The following RAPGEFL1 variants were observed in gnomAD, a reference collection of about 807,000 sequenced individuals.
RAPGEFL1 encodes the protein Rap guanine nucleotide exchange factor like 1.
A neutral mutation model predicts 64.4 loss-of-function variants in RAPGEFL1; 31 were observed. The ratio of observed to expected loss-of-function variants is 0.48; its 90% CI spans 0.36 to 0.65. The LOEUF is 0.65. RAPGEFL1 is among the 30% of genes least tolerant of loss of function. RAPGEFL1 has a pLI of 0.00. For synonymous variants in RAPGEFL1, 331 were observed against 274.1 expected, an observed-to-expected ratio of 1.21 and a Z score of -2.05; for missense variants, 682 against 677.4, an observed-to-expected ratio of 1.01 and a Z score of -0.08.
upstream of RAPGEFL1, chr17:40,177,417 GGGGCGGGGACT>G (rs900464518): frequency 4.5e-4 from 307 of 689,414 alleles, 4 homozygotes; most frequent in African/African-American, 6.1e-4. Flanking sequence ...AGGAAGGGTA[GGGGCGGGGACT>G]GGGCGGGGAC....
intron 2 of RAPGEFL1, among the ~76,000 whole-genome samples, chr17:40,182,095 AAAG>A (rs1989912670): frequency 6.6e-6 from 1 of 151,966 alleles, no homozygotes; most frequent in Non-Finnish European, 1.5e-5. Context: ...AAAAAAAAGA[AAAG>A]AAAACATACC....
Position 40,178,224 on chromosome 17 carries a change from C to A in RAPGEFL1, c.363C>A (p.Arg121=). ...CTCTCGGGGGAGGGGGGCCCCTGCG[C>A]TCCCCTTCCTCCTACTCATCTGACG... ...PGPLGGGGPL[R]SPSSYSSDEL... is the part of the protein sequence containing the mutation. The change falls in exon 1 of 15, where the codon CGC becomes CGA. Residue 121 remains arginine (R), a synonymous_variant. Coordinates refer to ENST00000620260, the MANE Select transcript of RAPGEFL1 (RefSeq NM_016339.6). 1.7e-6 allele frequency: 1 copy of A among 600,056 alleles called. No individual in the cohort carries two copies. Among genetic ancestry groups the A allele is most frequent in the South Asian group, 1.8e-5 (1 of 57,048 alleles). The allele number at this position is 600,056 out of a possible 1,614,324, so 37.2% of individuals were successfully genotyped here. A position where few individuals can be genotyped will look rare whatever the true frequency, so the allele number is the denominator to read the frequency against.
chr17:40,182,368 G>A (rs1989920396), intron 2 of RAPGEFL1, among the ~76,000 whole-genome samples: 1 of 151,738 alleles, frequency 6.6e-6, no homozygotes, highest in Non-Finnish European at 1.5e-5. Context: ...CTGGAGTACA[G>A]TGGTGCGACC....
In RAPGEFL1 at chr17:40,177,715, C is replaced by T. The variant is rs1478060478; in HGVS notation, c.-147C>T. 4 of 409,150 alleles carry T rather than the reference C, an allele frequency of 9.8e-6. No individual in the cohort carries two copies. The highest frequency in any genetic ancestry group is 2.1e-5 in the African/African-American group (1 of 48,568). 25.3% of individuals were successfully genotyped at this position (409,150 alleles called of 1,614,324 possible). A position where few individuals can be genotyped will look rare whatever the true frequency, so the allele number is the denominator to read the frequency against. On this transcript the variant is annotated 5_prime_UTR_variant, in exon 1 of 15. Transcript: ENST00000620260. ...CCACTGGACTCTGGCCAGCGAGGCT[C>T]GGCCCCTCTGGCCCCCAGTCTGGCG...
rs1428293454 is a variant in RAPGEFL1, at chr17:40,192,656, G to A, written c.1707G>A (p.Lys569=). Residue 569 remains lysine, a synonymous_variant, in exon 12 of 15, where the codon AAG becomes AAA. Transcript: ENST00000620260. ...KSYREVISKM[K]PPVIPFVPLI... ...ACCGAGAAGTGATCTCCAAAATGAA[G>A]CCCCCTGTGATTCCCTTCGTGCCTC... 6.2e-7 allele frequency: 1 copy of A among 1,613,802 alleles called. No homozygotes were observed. The highest frequency in any genetic ancestry group is 1.1e-5 in the South Asian group (1 of 91,062).
chr17:40,180,091 C>G (rs913337188), intron 1 of RAPGEFL1, among the ~76,000 whole-genome samples: 1 of 152,226 alleles, frequency 6.6e-6, no homozygotes, highest in Admixed American at 6.5e-5. Context: ...CCCCATCTTA[C>G]TCTTCCTTTG....
In RAPGEFL1 at chr17:40,193,394, G is replaced by A. The variant is rs774594017; in HGVS notation, c.1841G>A (p.Arg614His). Residue 614 changes from arginine (R) to histidine (H), a missense_variant, in exon 14 of 15, where the codon CGC (arginine) becomes CAC (histidine). Arg to His is a conservative substitution (Grantham distance 29). Around this residue, in one of 2 missense-constraint regions of RAPGEFL1, gnomAD observed 411 missense variants for 519.4 expected, o/e 0.79. Coordinates refer to ENST00000620260, the MANE Select transcript of RAPGEFL1 (RefSeq NM_016339.6). ...HSVAEKVRTI[R>H]KYRSRPLCLD... is the part of the protein sequence containing the mutation. The stretch of plus-strand genomic sequence containing the variant: ...GTGGCCGAAAAAGTGAGGACAATCC[G>A]CAAATACCGGAGCCGGCCCCTTTGT... The A allele has an allele frequency of 5.0e-6, 8 of 1,614,088 alleles. No individual in the cohort carries two copies. Among genetic ancestry groups the A allele is most frequent in the Middle Eastern group, 1.6e-4 (1 of 6,084 alleles).
intron 1 of RAPGEFL1, among the ~76,000 whole-genome samples, chr17:40,180,777 A>G (rs562110095): frequency 1.6e-4 from 24 of 152,368 alleles, no homozygotes; most frequent in Admixed American, 4.6e-4. Flanking sequence ...GAGATAGTGA[A>G]CCAAGGGGAG....
Position 40,184,457 on chromosome 17 carries a change from C to T in RAPGEFL1, c.735+108C>T, listed in dbSNP as rs1241454821. The T allele has an allele frequency of 5.4e-5, 66 of 1,217,606 alleles. No homozygotes were observed. In the Middle Eastern group the frequency reaches 1.0e-3, roughly 18 times the overall value. The allele number at this position is 1,217,606 out of a possible 1,614,324, so 75.4% of individuals were successfully genotyped here. On this transcript the variant is annotated intron_variant, in intron 3 of 14. Coordinates refer to ENST00000620260, the MANE Select transcript of RAPGEFL1 (RefSeq NM_016339.6). ...CTGGGTACCTGGAAGGAAGAGATGC[C>T]AGGGGGCCTTAGCTTATATGGCTCT...
intron 1 of RAPGEFL1, among the ~76,000 whole-genome samples, chr17:40,180,340 T>C (rs934072174): frequency 2.6e-5 from 4 of 152,112 alleles, no homozygotes; most frequent in African/African-American, 9.7e-5. Flanking sequence ...ATGTCACCCA[T>C]GTTATCTGGC....
chr17:40,190,908 A>C (rs1234873658), intron 8 of RAPGEFL1, 146 bp downstream of exon 8: 1 of 1,317,730 alleles, frequency 7.6e-7, no homozygotes, highest in Non-Finnish European at 1.0e-6. Flanking sequence ...TTGTTCCCCC[A>C]TCTGAAAAAA....
rs565421652 is a variant in RAPGEFL1 at position 40,178,232 on chromosome 17, C to G, written c.371C>G (p.Ser124Cys). The G allele has an allele frequency of 2.9e-5, 18 of 627,450 alleles. No individual in the cohort carries two copies. The highest frequency in any genetic ancestry group is 4.9e-5 in the Non-Finnish European group (17 of 346,022). 38.9% of individuals were successfully genotyped at this position (627,450 alleles called of 1,614,324 possible). ...LGGGGPLRSP[S>C]SYSSDELSPG... ...GGAGGGGGGCCCCTGCGCTCCCCTT[C>G]CTCCTACTCATCTGACGAGCTGTCC... The change falls in exon 1 of 15, where the codon TCC becomes TGC. Residue 124 changes from serine (S) to cysteine (C), a missense_variant. By Grantham distance (112) the Ser-to-Cys change is moderately radical. Coordinates refer to ENST00000620260, the MANE Select transcript of RAPGEFL1 (RefSeq NM_016339.6).
At position 40,178,080 on chromosome 17, in the gene RAPGEFL1, C is replaced by A. The variant is rs1418085302; in HGVS notation, c.219C>A (p.Ala73=). 1 of 602,558 alleles carries A rather than the reference C, an allele frequency of 1.7e-6. No individual in the cohort carries two copies. Among genetic ancestry groups the A allele is most frequent in the East Asian group, 3.4e-5 (1 of 29,838 alleles). The allele number at this position is 602,558 out of a possible 1,614,324, so 37.3% of individuals were successfully genotyped here. A position where few individuals can be genotyped will look rare whatever the true frequency, so the allele number is the denominator to read the frequency against. ...LLPAFLREPP[A]EPGLEPPPEE... ...CCGCTTTCCTCCGGGAGCCCCCCGC[C>A]GAGCCGGGGCTGGAGCCGCCCCCTG... The change falls in exon 1 of 15, where the codon GCC becomes GCA. Residue 73 remains alanine, a synonymous_variant. Transcript: ENST00000620260.
chr17:40,191,702 G>T lies in RAPGEFL1; in HGVS notation c.1605+30G>T. The T allele has an allele frequency of 6.3e-7, 1 of 1,590,870 alleles. No individual in the cohort carries two copies. Among genetic ancestry groups the T allele is most frequent in the Non-Finnish European group, 8.6e-7 (1 of 1,167,504 alleles). ...TGAGACCCCTCCCGTTCCTACCTGG[G>T]AATCTGGGCATCCCGGGCTCCCCGA... On this transcript the variant is annotated intron_variant, in intron 10 of 14. Coordinates refer to ENST00000620260, the MANE Select transcript of RAPGEFL1 (RefSeq NM_016339.6). The surrounding 1 kb of genome is among the most constrained non-coding windows in gnomAD (Gnocchi z 5.1).
chr17:40,177,169 C>T (rs956990480), upstream of RAPGEFL1: 6 of 702,514 alleles, frequency 8.5e-6, no homozygotes, highest in Middle Eastern at 2.3e-4. Context: ...AATCTGTAGG[C>T]CTGACTTGGG....
chr17:40,189,336 G>A lies in RAPGEFL1; in HGVS notation c.1075G>A (p.Glu359Lys). ...ATATTCAGAGGAGCCCGCGGGGCGT[G>A]AGGATTCCCTCATCCTGGTAGCTGT... is the stretch of plus-strand genomic sequence containing the variant. ...LQYSEEPAGREDSLILVAVSS... is the reference protein window; with the variant it reads ...LQYSEEPAGRKDSLILVAVSS... Residue 359 changes from glutamate to lysine, a missense_variant, in exon 6 of 15, where the codon GAG becomes AAG. Glu to Lys is a moderately conservative substitution (Grantham distance 56, BLOSUM62 1). Coordinates refer to ENST00000620260, the MANE Select transcript of RAPGEFL1 (RefSeq NM_016339.6). 6.2e-7 allele frequency: 1 copy of A among 1,614,184 alleles called. No homozygotes were observed. Among genetic ancestry groups the A allele is most frequent in the Non-Finnish European group, 8.5e-7 (1 of 1,180,030 alleles).
In RAPGEFL1 at chr17:40,191,102, A is replaced by C. The variant is rs1990245971; in HGVS notation, c.1336-214A>C. On this transcript the variant is annotated intron_variant, in intron 8 of 14. Coordinates refer to ENST00000620260, the MANE Select transcript of RAPGEFL1 (RefSeq NM_016339.6). The surrounding 1 kb of genome is among the most constrained non-coding windows in gnomAD (Gnocchi z 5.1). ...AGCCGTGAGCGAATGCCTGGCACCT[A>C]GTAAGTGCTCAGTAGCTGGTGAAAT... 1 of 601,848 alleles carries C rather than the reference A, an allele frequency of 1.7e-6. No homozygotes were observed. The highest frequency in any genetic ancestry group is 3.4e-5 in the Admixed American group (1 of 29,752). 37.3% of individuals were successfully genotyped at this position (601,848 alleles called of 1,614,324 possible).
upstream of RAPGEFL1, chr17:40,177,398 G>C (rs1989739735): frequency 1.4e-6 from 1 of 697,302 alleles, no homozygotes; most frequent in Non-Finnish European, 2.6e-6. Context: ...GCGGCGCGGG[G>C]GCGAGCCGAG....
rs1463272611 is a variant in RAPGEFL1 at position 40,192,593 on chromosome 17, T to G, written c.1657-13T>G. 4 of 1,606,944 alleles carry G rather than the reference T, an allele frequency of 2.5e-6. No individual in the cohort carries two copies. Among genetic ancestry groups the G allele is most frequent in the Non-Finnish European group, 3.4e-6 (4 of 1,174,594 alleles). ...CCAGTCTGTCCCTTGATCTCTCTCC[T>G]GTGGAATACTAGGACCCCTGCAGGA... On this transcript the variant is annotated splice_polypyrimidine_tract_variant and intron_variant, in intron 11 of 14. Transcript: ENST00000620260.
Sources: gnomAD v4.1 joint callset for allele counts (sites outside exome capture counted in the v4.1 genomes callset) on GRCh38, gnomAD v4.1.1 for gene constraint, gnomAD v4.1.1 regional missense constraint, Gnocchi (gnomAD v3.1) non-coding constraint, MANE v1.5 for transcripts, NCBI Gene and HGNC (gene_info 2026-07-23, HGNC 2026-07-21) for gene names.